Variants in CIRSR observed in about 807,000 individuals in gnomAD.
The protein encoded by CIRSR is CBF1 (RBPJ) interacting corepressor 1.
chr2:174,380,690 T>G, the CIRSR span: 1 of 1,612,926 alleles, frequency 6.2e-7, no homozygotes, highest in African/African-American at 1.3e-5. Flanking sequence ...AAATTTGTAT[T>G]CGGTCTCTCC....
the CIRSR span, among the ~76,000 whole-genome samples, chr2:174,382,647 CAAT>C: frequency 5.8e-3 from 875 of 151,988 alleles, 10 homozygotes; most frequent in African/African-American, 0.02. Flanking sequence ...TCAAAAACAA[CAAT>C]AGCAAAAAAG....
the CIRSR span, among the ~76,000 whole-genome samples, chr2:174,363,421 GAC>G: frequency 6.6e-6 from 1 of 152,178 alleles, no homozygotes; most frequent in African/African-American, 2.4e-5. Flanking sequence ...GCAAACAGTA[GAC>G]ACAGTCTTAA....
chr2:174,356,531 A>AAGG, the CIRSR span, among the ~76,000 whole-genome samples: 1 of 133,570 alleles, frequency 7.5e-6, no homozygotes, highest in Non-Finnish European at 1.5e-5. Context: ...AAGAAAGAAG[A>AAGG]AAGGAAGGAA....
At chr2:174,357,603 C>T in the CIRSR span, among the ~76,000 whole-genome samples, 1 of 152,044 alleles carries the variant, frequency 6.6e-6, no homozygotes, top group Non-Finnish European at 1.5e-5. Context: ...CTATATCTAG[C>T]GAATAAGCCA....
chr2:174,375,705 C>T, the CIRSR span, among the ~76,000 whole-genome samples: 1 of 152,050 alleles, frequency 6.6e-6, no homozygotes, highest in African/African-American at 2.4e-5. Flanking sequence ...GTTCGATGGG[C>T]AAAAAGGTAA....
the CIRSR span, among the ~76,000 whole-genome samples, chr2:174,392,611 G>T: frequency 6.6e-6 from 1 of 152,150 alleles, no homozygotes; most frequent in African/African-American, 2.4e-5. Flanking sequence ...GGATTCAAGA[G>T]ATATTTGGAA....
chr2:174,361,060 T>C, the CIRSR span, among the ~76,000 whole-genome samples: 1 of 152,060 alleles, frequency 6.6e-6, no homozygotes, highest in Non-Finnish European at 1.5e-5. Context: ...TAATCAACTA[T>C]AATCAAGTAC....
the CIRSR span, among the ~76,000 whole-genome samples, chr2:174,373,930 A>G: frequency 6.6e-6 from 1 of 152,160 alleles, no homozygotes; most frequent in African/African-American, 2.4e-5. Flanking sequence ...TTTGCTTACA[A>G]TGGTTTCACC....
chr2:174,360,202 GTAAAA>G, the CIRSR span, among the ~76,000 whole-genome samples: 7 of 152,152 alleles, frequency 4.6e-5, no homozygotes, highest in African/African-American at 7.2e-5. Flanking sequence ...AGAACTTAAA[GTAAAA>G]TAAATAATTT....
At chr2:174,371,742 T>C in the CIRSR span, among the ~76,000 whole-genome samples, 1 of 152,248 alleles carries the variant, frequency 6.6e-6, no homozygotes. Context: ...AGTTACTTTA[T>C]ATACTAAACT....
the CIRSR span, among the ~76,000 whole-genome samples, chr2:174,377,837 A>AC: frequency 2.6e-5 from 4 of 151,470 alleles, no homozygotes; most frequent in South Asian, 2.1e-4. Context: ...AAAAAAAAAA[A>AC]AAAAAAAAAA....
chr2:174,365,420 T>G, the CIRSR span, among the ~76,000 whole-genome samples: 6 of 152,228 alleles, frequency 3.9e-5, no homozygotes, highest in Non-Finnish European at 8.8e-5. Context: ...AGTTCCAAAG[T>G]TGCTTCCACA....
chr2:174,353,321 T>A, the CIRSR span, among the ~76,000 whole-genome samples: 5 of 152,376 alleles, frequency 3.3e-5, no homozygotes, highest in East Asian at 7.7e-4. Context: ...ATACAAAATG[T>A]TTAATTCCTA....
the CIRSR span, among the ~76,000 whole-genome samples, chr2:174,354,440 A>G: frequency 2.3e-5 from 1 of 43,800 alleles, no homozygotes; most frequent in Non-Finnish European, 4.4e-5. Flanking sequence ...TGATATATAT[A>G]ATATATTATA....
chr2:174,395,680 C>A, the CIRSR span: 1 of 1,613,682 alleles, frequency 6.2e-7, no homozygotes, highest in South Asian at 1.1e-5. Flanking sequence ...TAAACAAACT[C>A]AGCCGCCTAA....
chr2:174,374,250 A>T, the CIRSR span, among the ~76,000 whole-genome samples: 2 of 152,208 alleles, frequency 1.3e-5, no homozygotes, highest in South Asian at 4.2e-4. Flanking sequence ...CTTTCTTTCT[A>T]CCTAAGTTTT....
the CIRSR span, among the ~76,000 whole-genome samples, chr2:174,359,080 G>C: frequency 2.0e-5 from 3 of 152,144 alleles, no homozygotes; most frequent in Non-Finnish European, 4.4e-5. Flanking sequence ...AAAACTTGTT[G>C]AATCAAAGAA....
chr2:174,368,259 A>G, the CIRSR span, among the ~76,000 whole-genome samples: 1 of 152,214 alleles, frequency 6.6e-6, no homozygotes, highest in Non-Finnish European at 1.5e-5. Flanking sequence ...CTCTAACAAC[A>G]GCAGAATATA....
the CIRSR span, among the ~76,000 whole-genome samples, chr2:174,388,792 T>C: frequency 6.6e-6 from 1 of 152,164 alleles, no homozygotes; most frequent in East Asian, 1.9e-4. Context: ...TCTTGAATCA[T>C]AGTTCCCATA....
Sources: allele counts gnomAD v4.1 joint callset (sites outside exome capture counted in the v4.1 genomes callset), GRCh38; gene constraint gnomAD v4.1.1; transcripts MANE v1.5; gene names NCBI Gene and HGNC (gene_info 2026-07-23, HGNC 2026-07-21).